The following SVOP variants were observed in gnomAD, a reference collection of about 807,000 sequenced individuals.
The protein encoded by SVOP is synaptic vesicle 2-related protein.
A neutral mutation model predicts 69.1 loss-of-function variants in SVOP; 17 were observed. That is an observed-to-expected ratio of 0.25 (90% CI 0.17 to 0.37). The LOEUF (loss-of-function observed/expected upper bound fraction) is 0.37, where lower values mean the gene tolerates loss of function less well. Among genes scored for constraint, SVOP ranks in the 10% least tolerant of loss-of-function variants. The pLI is 1.00. For missense variants in SVOP, 435 were observed against 597.5 expected (o/e 0.73, Z 2.84); for synonymous variants, 238 against 238.6 (o/e 1.00, Z 0.02).
intron 11 of SVOP, among the ~76,000 whole-genome samples, chr12:108,927,944 C>T (rs1447887994): frequency 6.7e-6 from 1 of 148,228 alleles, no homozygotes; most frequent in African/African-American, 2.5e-5. Flanking sequence ...CTCATACCAT[C>T]GCCCAGGTTG....
intron 1 of SVOP, among the ~76,000 whole-genome samples, chr12:108,992,923 G>C (rs1193052963): frequency 6.6e-6 from 1 of 152,146 alleles, no homozygotes; most frequent in East Asian, 1.9e-4. Context: ...AGACATGGTG[G>C]GGGGCTGGGG....
chr12:108,958,389 C>T (rs1012258390), intron 6 of SVOP, among the ~76,000 whole-genome samples: 3 of 151,056 alleles, frequency 2.0e-5, no homozygotes, highest in African/African-American at 4.9e-5. Flanking sequence ...CCATTGTGTT[C>T]GAATTGTCTG....
In SVOP at chr12:108,909,710, G is replaced by A. The variant is rs138915495; in HGVS notation, c.*2825C>T. On this transcript the variant is annotated 3_prime_UTR_variant, in exon 16 of 16. Transcript: ENST00000610966. ...AGTACGAGAAAAACAGAAATATATA[G>A]CTCTGGCTACATTAAATATCTTTTG... 1.3e-5 allele frequency: 2 copies of A among 152,246 alleles called. No homozygotes were observed. The highest frequency in any genetic ancestry group is 3.9e-4 in the East Asian group (2 of 5,184). 9.4% of individuals were successfully genotyped at this position (152,246 alleles called of 1,614,324 possible). A position where few individuals can be genotyped will look rare whatever the true frequency, so the allele number is the denominator to read the frequency against.
chr12:108,930,176 T>TA (rs1356174834), intron 11 of SVOP, among the ~76,000 whole-genome samples: 1 of 152,208 alleles, frequency 6.6e-6, no homozygotes, highest in African/African-American at 2.4e-5. Flanking sequence ...ACACAAGCAA[T>TA]GCTTGTTCAT....
At chr12:108,936,612 A>G (rs1163485825) in intron 10 of SVOP, among the ~76,000 whole-genome samples, 1 of 152,074 alleles carries the variant, frequency 6.6e-6, no homozygotes, top group Non-Finnish European at 1.5e-5. Flanking sequence ...AGTAGCTGGG[A>G]CCACAGGTGC....
At chr12:108,997,967 C>T (rs2040246393) in intron 1 of SVOP, among the ~76,000 whole-genome samples, 1 of 149,636 alleles carries the variant, frequency 6.7e-6, no homozygotes, top group African/African-American at 2.5e-5. Flanking sequence ...TGGAGAATGA[C>T]TTTGACGAGC....
At chr12:108,969,296 C>G (rs1271615683) in intron 5 of SVOP, among the ~76,000 whole-genome samples, 2 of 149,328 alleles carry the variant, frequency 1.3e-5, no homozygotes, top group African/African-American at 2.5e-5. Flanking sequence ...TCCTCACTCT[C>G]TCTCCCTACC....
chr12:108,921,359 T>A (rs1446356278), intron 12 of SVOP, among the ~76,000 whole-genome samples: 1 of 152,192 alleles, frequency 6.6e-6, no homozygotes, highest in Non-Finnish European at 1.5e-5. Context: ...GTATCATAGT[T>A]GGGTTTTCCC....
At chr12:108,928,642 C>T (rs1475822622) in intron 11 of SVOP, among the ~76,000 whole-genome samples, 1 of 151,466 alleles carries the variant, frequency 6.6e-6, no homozygotes, top group African/African-American at 2.4e-5. Context: ...TCTCGTCTCA[C>T]AGCAAGCTCC....
At chr12:108,986,063 G>C (rs1329506748) in intron 1 of SVOP, among the ~76,000 whole-genome samples, 1 of 152,196 alleles carries the variant, frequency 6.6e-6, no homozygotes, top group Non-Finnish European at 1.5e-5. Context: ...CCCAGCACAG[G>C]GCTGGCAGAC....
At chr12:108,931,557 T>G (rs4989986) in intron 11 of SVOP, among the ~76,000 whole-genome samples, 91,905 of 152,034 alleles carry the variant, frequency 0.6, 29,397 homozygotes, top group East Asian at 0.78. Flanking sequence ...TTCCCGGCTC[T>G]GCATGGTGGC....
At chr12:109,003,115 T>C (rs968695332) in intron 1 of SVOP, among the ~76,000 whole-genome samples, 2 of 152,080 alleles carry the variant, frequency 1.3e-5, no homozygotes, top group African/African-American at 4.8e-5. Flanking sequence ...CATGCTACAG[T>C]CTGAGAAATA....
chr12:108,955,965 C>T (rs1056423007), intron 6 of SVOP, among the ~76,000 whole-genome samples: 17 of 152,146 alleles, frequency 1.1e-4, no homozygotes, highest in African/African-American at 3.9e-4. Flanking sequence ...AGGATTCAAA[C>T]CCAAGCCGTC....
intron 11 of SVOP, among the ~76,000 whole-genome samples, chr12:108,929,102 A>G (rs2039800298): frequency 2.0e-5 from 3 of 152,212 alleles, no homozygotes; most frequent in Admixed American, 2.0e-4. Flanking sequence ...ACTCAGGCTT[A>G]ACCATTTCTC....
At position 108,911,099 on chromosome 12, in the gene SVOP, CA is replaced by C. The variant is rs2039678674; in HGVS notation, c.*1435del. The C allele has an allele frequency of 6.6e-6, 1 of 152,190 alleles. No individual in the cohort carries two copies. Among genetic ancestry groups the C allele is most frequent in the South Asian group, 2.1e-4 (1 of 4,828 alleles). The allele number at this position is 152,190 out of a possible 1,614,324, so 9.4% of individuals were successfully genotyped here. ...TTGCCTGCGGAGACCAACTCAAAAC[CA>C]ACTGGCCTCCCACTGCTTCCTTTGA... is the stretch of plus-strand genomic sequence containing the variant. On this transcript the variant is annotated 3_prime_UTR_variant, in exon 16 of 16. Coordinates refer to ENST00000610966, the MANE Select transcript of SVOP (RefSeq NM_018711.5).
At chr12:108,929,622 G>A (rs10778671) in intron 11 of SVOP, among the ~76,000 whole-genome samples, 71,446 of 151,962 alleles carry the variant, frequency 0.47, 18,876 homozygotes, top group East Asian at 0.64. Context: ...CTATCAAGTC[G>A]GTTTAACCAG....
rs2039932119 is a variant in SVOP, at chr12:108,947,517, T to A, written c.579-2351A>T. On this transcript the variant is annotated intron_variant, in intron 6 of 15. Transcript: ENST00000610966. ...CCACTTCCATGTTGCAATTCCCTTCTCCAATAATGGGAAATTTGGTCTCAT... is the reference window on the plus strand; with the variant it reads ...CCACTTCCATGTTGCAATTCCCTTCACCAATAATGGGAAATTTGGTCTCAT... 2.0e-5 allele frequency among the ~76,000 whole-genome samples: 3 copies of A among 152,218 alleles called. No individual in the cohort carries two copies. In the South Asian group the frequency reaches 6.2e-4, roughly 32 times the overall value.
chr12:108,959,795 T>G (rs528424697), intron 6 of SVOP, among the ~76,000 whole-genome samples: 1 of 152,354 alleles, frequency 6.6e-6, no homozygotes, highest in African/African-American at 2.4e-5. Flanking sequence ...CTTCTGGGTC[T>G]TTCCAAATCC....
intron 15 of SVOP, 52 bp from the exon 16 acceptor site, chr12:108,912,793 A>G (rs2039692504): frequency 6.5e-7 from 1 of 1,541,530 alleles, no homozygotes; most frequent in Non-Finnish European, 8.9e-7. Context: ...AAGCACAGAC[A>G]TCGCCAACCA....
Sources: gnomAD v4.1 joint callset for allele counts (sites outside exome capture counted in the v4.1 genomes callset) on GRCh38, gnomAD v4.1.1 for gene constraint, MANE v1.5 for transcripts, NCBI Gene and HGNC (gene_info 2026-07-23, HGNC 2026-07-21) for gene names.